The following GABRB1 variants were observed in gnomAD, a reference collection of about 807,000 sequenced individuals.
GABRB1 encodes gamma-aminobutyric acid receptor subunit beta-1.
GABRB1 carries 17 observed loss-of-function variants against 51.6 expected under a neutral mutation model. The ratio of observed to expected loss-of-function variants is 0.33; its 90% CI spans 0.23 to 0.49. The LOEUF (loss-of-function observed/expected upper bound fraction) is 0.49. Ranked by LOEUF, GABRB1 falls within the 20% of genes least tolerant of loss-of-function variation. GABRB1 has a pLI of 0.99. For synonymous variants in GABRB1, 247 were observed against 218.9 expected, an observed-to-expected ratio of 1.13 and a Z score of -1.14; for missense variants, 410 against 600.6, an observed-to-expected ratio of 0.68 and a Z score of 3.32.
At chr4:47,247,921 T>G (rs931247126) in intron 4 of GABRB1, among the ~76,000 whole-genome samples, 1 of 152,190 alleles carries the variant, frequency 6.6e-6, no homozygotes, top group Non-Finnish European at 1.5e-5. Flanking sequence ...GAGGAGTCTT[T>G]AGGGTTTTCA....
In GABRB1 at chr4:47,283,143, T is replaced by A. The variant is rs543058733; in HGVS notation, c.462-36984T>A. Among the ~76,000 whole-genome samples, 3 of 152,220 alleles carry A rather than the reference T, an allele frequency of 2.0e-5. No homozygotes were observed. The East Asian group carries it at 5.8e-4, about 29-fold the overall frequency. ...TGTTTAGAGGCAAAAGTGGAGAAAC[T>A]ATGAGAAAAGGACAGGTAGATGTGA... is the stretch of plus-strand genomic sequence containing the variant. On this transcript the variant is annotated intron_variant, in intron 4 of 8. Coordinates refer to ENST00000295454, the MANE Select transcript of GABRB1 (RefSeq NM_000812.4).
chr4:47,123,411 T>A (rs1436885062), intron 3 of GABRB1, among the ~76,000 whole-genome samples: 5 of 120,968 alleles, frequency 4.1e-5, no homozygotes, highest in Admixed American at 3.3e-4. Flanking sequence ...TATACATATA[T>A]ACACATATAT....
chr4:47,177,976 G>C (rs937866484), intron 4 of GABRB1, among the ~76,000 whole-genome samples: 5 of 152,004 alleles, frequency 3.3e-5, no homozygotes, highest in Admixed American at 6.6e-5. Flanking sequence ...TGATTAAATG[G>C]ATTAGGATGT....
intron 4 of GABRB1, among the ~76,000 whole-genome samples, chr4:47,258,588 C>A (rs545232572): frequency 6.6e-6 from 1 of 152,096 alleles, no homozygotes; most frequent in South Asian, 2.1e-4. Context: ...TGTAAAGTGA[C>A]CACAAATATA....
intron 5 of GABRB1, among the ~76,000 whole-genome samples, chr4:47,390,468 G>T (rs1422150181): frequency 6.6e-6 from 1 of 152,234 alleles, no homozygotes; most frequent in Admixed American, 6.5e-5. Context: ...ATCCAAAATA[G>T]AGTGTTTCAA....
chr4:47,281,738 C>A (rs1174740788), intron 4 of GABRB1, among the ~76,000 whole-genome samples: 1 of 151,962 alleles, frequency 6.6e-6, no homozygotes, highest in Non-Finnish European at 1.5e-5. Flanking sequence ...TTATTTGTAA[C>A]AAATGGATGG....
chr4:46,995,347 T>G (rs1723957656), intron 1 of GABRB1, among the ~76,000 whole-genome samples: 3 of 152,186 alleles, frequency 2.0e-5, no homozygotes, highest in Admixed American at 2.0e-4. Flanking sequence ...TTATATTATT[T>G]CTCTAATCTT....
At chr4:47,177,381 A>G (rs1718745303) in intron 4 of GABRB1, among the ~76,000 whole-genome samples, 1 of 152,124 alleles carries the variant, frequency 6.6e-6, no homozygotes, top group South Asian at 2.1e-4. Context: ...CCTAGCTACT[A>G]CAGAAATATA....
intron 4 of GABRB1, among the ~76,000 whole-genome samples, chr4:47,296,437 A>G (rs1258055446): frequency 6.6e-6 from 1 of 152,166 alleles, no homozygotes. Flanking sequence ...ATGGAAAACG[A>G]AAAAAGGCAG....
Position 47,387,483 on chromosome 4 carries a change from ACTCAATAGG to A in GABRB1, c.545-15832_545-15824del, listed in dbSNP as rs1727840206. On this transcript the variant is annotated intron_variant, in intron 5 of 8. Transcript: ENST00000295454. The stretch of plus-strand genomic sequence containing the variant: ...TGAGACTCCATCTCAAAAAGCAAAA[ACTCAATAGG>A]CTAAAATAGTAAGTCAAATTGAATT... Among the ~76,000 whole-genome samples the A allele has an allele frequency of 6.6e-5, 10 of 152,294 alleles. No homozygotes were observed. The South Asian group carries it at 2.1e-3, about 32-fold the overall frequency.
chr4:47,104,665 G>T (rs375147309), intron 3 of GABRB1, among the ~76,000 whole-genome samples: 3 of 151,794 alleles, frequency 2.0e-5, no homozygotes, highest in African/African-American at 7.2e-5. Context: ...AAATTCTGTT[G>T]ACCTGTCTTC....
intron 4 of GABRB1, among the ~76,000 whole-genome samples, chr4:47,175,608 C>T (rs972494845): frequency 1.1e-4 from 16 of 152,114 alleles, no homozygotes; most frequent in African/African-American, 2.7e-4. Context: ...ACTACTTGCA[C>T]GAAAATTATT....
chr4:47,038,142 G>T (rs1725677038), intron 3 of GABRB1, among the ~76,000 whole-genome samples: 1 of 152,094 alleles, frequency 6.6e-6, no homozygotes, highest in African/African-American at 2.4e-5. Flanking sequence ...TTACTCCCTT[G>T]CTAGATTGTC....
intron 8 of GABRB1, among the ~76,000 whole-genome samples, chr4:47,420,055 T>G (rs1017132626): frequency 2.0e-5 from 3 of 152,210 alleles, no homozygotes; most frequent in Admixed American, 2.0e-4. Context: ...GAGGAATATA[T>G]GATTAATATA....
At chr4:47,412,232 C>T (rs1296525601) in intron 8 of GABRB1, among the ~76,000 whole-genome samples, 1 of 152,168 alleles carries the variant, frequency 6.6e-6, no homozygotes, top group African/African-American at 2.4e-5. Flanking sequence ...TTGTCTTTTA[C>T]ATTCATTGTT....
chr4:46,996,773 A>G (rs1724013100), intron 1 of GABRB1, among the ~76,000 whole-genome samples: 2 of 152,262 alleles, frequency 1.3e-5, no homozygotes, highest in South Asian at 4.1e-4. Context: ...TCTATTGTCA[A>G]TTTATCATAT....
intron 4 of GABRB1, among the ~76,000 whole-genome samples, chr4:47,297,338 T>C (rs967343614): frequency 3.2e-4 from 40 of 124,604 alleles, no homozygotes; most frequent in Non-Finnish European, 5.9e-4. Flanking sequence ...TTTGAAAGGA[T>C]CAACAAAATT....
intron 5 of GABRB1, among the ~76,000 whole-genome samples, chr4:47,362,712 A>C (rs1398280759): frequency 6.6e-6 from 1 of 152,146 alleles, no homozygotes; most frequent in Non-Finnish European, 1.5e-5. Flanking sequence ...AAAAGGAACA[A>C]TCTTTTAAGT....
chr4:46,994,500 G>T (rs1158442012), intron 1 of GABRB1: 1 of 128,034 alleles, frequency 7.8e-6, no homozygotes, highest in Non-Finnish European at 1.7e-5. Flanking sequence ...GAGAGAGAGA[G>T]AGACAGAGAG....
Sources: gnomAD v4.1 joint callset for allele counts (sites outside exome capture counted in the v4.1 genomes callset) on GRCh38, gnomAD v4.1.1 for gene constraint, MANE v1.5 for transcripts, NCBI Gene and HGNC (gene_info 2026-07-23, HGNC 2026-07-21) for gene names.